The following KIF13A variants were observed in gnomAD, a reference collection of about 807,000 sequenced individuals.
KIF13A encodes the protein kinesin-like protein KIF13A.
KIF13A carries 79 observed loss-of-function variants against 212.2 expected under a neutral mutation model. That is an observed-to-expected ratio of 0.37 (90% CI 0.31 to 0.45). KIF13A has a LOEUF of 0.45. Ranked by LOEUF, KIF13A falls within the 20% of genes least tolerant of loss-of-function variation. The probability of loss-of-function intolerance (pLI) is 1.00; values close to 1 mark genes in which losing one functional copy is unlikely to be tolerated. For synonymous variants in KIF13A, 789 were observed against 808.6 expected (o/e 0.98, Z 0.41); for missense variants, 1,901 against 2,209.0 (o/e 0.86, Z 2.79).
intron 4 of KIF13A, among the ~76,000 whole-genome samples, chr6:17,859,696 T>G (rs1308815155): frequency 6.8e-6 from 1 of 147,882 alleles, no homozygotes; most frequent in East Asian, 2.0e-4. Flanking sequence ...AGTGCAATGG[T>G]GCGATCTCGG....
intron 3 of KIF13A, among the ~76,000 whole-genome samples, chr6:17,874,113 C>T (rs1366097708): frequency 6.6e-6 from 1 of 152,150 alleles, no homozygotes; most frequent in East Asian, 1.9e-4. Context: ...CGATCTCCCT[C>T]AGCTTCTCAA....
At chr6:17,824,509 CAGCACTTTGGG>C (rs1264648845) in intron 16 of KIF13A, among the ~76,000 whole-genome samples, 1 of 151,992 alleles carries the variant, frequency 6.6e-6, no homozygotes, top group East Asian at 1.9e-4. Flanking sequence ...CCTGTAATCC[CAGCACTTTGGG>C]AGGCCAAGAC....
Position 17,785,687 on chromosome 6 carries a change from T to C in KIF13A, c.3362-46A>G, listed in dbSNP as rs1364069301. 1 of 1,574,910 alleles carries C rather than the reference T, an allele frequency of 6.3e-7. No homozygotes were observed. The highest frequency in any genetic ancestry group is 1.9e-5 in the Admixed American group (1 of 53,988). On this transcript the variant is annotated intron_variant, in intron 27 of 38. Transcript: ENST00000259711. This position sits in a 1 kb window ranked among gnomAD's most constrained non-coding sequence, Gnocchi z 5.8. ...ATCAATGCCAACAAGAGAGAAAGTATGACTTCTCAGTTTACAAGGAATAGA... is the reference window on the plus strand; with the variant it reads ...ATCAATGCCAACAAGAGAGAAAGTACGACTTCTCAGTTTACAAGGAATAGA...
chr6:17,976,352 C>G (rs1014062205), intron 2 of KIF13A, among the ~76,000 whole-genome samples: 1 of 152,202 alleles, frequency 6.6e-6, no homozygotes, highest in Admixed American at 6.5e-5. Flanking sequence ...AGCTAAGGCC[C>G]GGCGAGAAAT....
chr6:17,815,534 G>A, intron 17 of KIF13A: 1 of 356,628 alleles, frequency 2.8e-6, no homozygotes, highest in Non-Finnish European at 5.9e-6. Context: ...CCCTCTAGTG[G>A]CCCTGTTTGG....
Position 17,777,803 on chromosome 6 carries a change from CTTA to C in KIF13A, c.4093-452_4093-450del, listed in dbSNP as rs148535675. Among the ~76,000 whole-genome samples, 6,561 of 151,894 alleles carry C rather than the reference CTTA, an allele frequency of 0.043. 479 individuals carry two copies. Among genetic ancestry groups the C allele is most frequent in the African/African-American group, 0.15 (6,155 of 41,442 alleles). On this transcript the variant is annotated intron_variant, in intron 33 of 38. Transcript: ENST00000259711. This position sits in a 1 kb window ranked among gnomAD's most constrained non-coding sequence, Gnocchi z 4.4. ...TAAAACTGAAATATTATTTTACCCACTTATTATTATTTGTTTAGCAATTTATCA... is the reference window on the plus strand; with the variant it reads ...TAAAACTGAAATATTATTTTACCCACTTATTATTTGTTTAGCAATTTATCA...
intron 2 of KIF13A, among the ~76,000 whole-genome samples, chr6:17,916,701 T>C (rs550909080): frequency 6.6e-6 from 1 of 152,340 alleles, no homozygotes; most frequent in South Asian, 2.1e-4. Context: ...AACTCATTAT[T>C]TGTGCAAGAT....
In KIF13A at chr6:17,839,535, G is replaced by A. The variant is rs150129165; in HGVS notation, c.831-1952C>T. ...GATGAACCCTGGCAAATTATTTTACGTGAAAGAAGCCAAACACAAAAGGCC... is the reference window on the plus strand; with the variant it reads ...GATGAACCCTGGCAAATTATTTTACATGAAAGAAGCCAAACACAAAAGGCC... On this transcript the variant is annotated intron_variant, in intron 9 of 38. Transcript: ENST00000259711. This position sits in a 1 kb window ranked among gnomAD's most constrained non-coding sequence, Gnocchi z 4.3. Among the ~76,000 whole-genome samples the A allele has an allele frequency of 2.8e-4, 43 of 152,234 alleles. No individual in the cohort carries two copies. Among genetic ancestry groups the A allele is most frequent in the Non-Finnish European group, 4.6e-4 (31 of 68,018 alleles).
rs1764984663 is a variant in KIF13A at position 17,826,680 on chromosome 6, GA to G, written c.1533-557del. Among the ~76,000 whole-genome samples, 1 of 152,098 alleles carries G rather than the reference GA, an allele frequency of 6.6e-6. No homozygotes were observed. Among genetic ancestry groups the G allele is most frequent in the South Asian group, 2.1e-4 (1 of 4,820 alleles). On this transcript the variant is annotated intron_variant, in intron 14 of 38. Coordinates refer to ENST00000259711, the MANE Select transcript of KIF13A (RefSeq NM_022113.6). The surrounding 1 kb of genome is among the most constrained non-coding windows in gnomAD (Gnocchi z 4.7). ...GAGGAATACTATAAAACAATGGTAGGATCTTATCTGGATCCTAATTTCAAGA... is the reference window on the plus strand; with the variant it reads ...GAGGAATACTATAAAACAATGGTAGGTCTTATCTGGATCCTAATTTCAAGA...
chr6:17,836,610 A>G (rs1765975177), intron 11 of KIF13A, among the ~76,000 whole-genome samples: 2 of 152,184 alleles, frequency 1.3e-5, no homozygotes, highest in Admixed American at 1.3e-4. Context: ...TATAAAGAAA[A>G]GGGGGTTTAA....
chr6:17,812,896 T>C (rs61063934), intron 17 of KIF13A, among the ~76,000 whole-genome samples: 29,131 of 152,220 alleles, frequency 0.19, 2,943 homozygotes, highest in South Asian at 0.32. Flanking sequence ...TGGTATCTCA[T>C]TGTGGTTTTG....
At position 17,794,418 on chromosome 6, in the gene KIF13A, T is replaced by C; in HGVS notation, c.3076-23A>G. 2 of 1,600,756 alleles carry C rather than the reference T, an allele frequency of 1.2e-6. No homozygotes were observed. Among genetic ancestry groups the C allele is most frequent in the Non-Finnish European group, 1.7e-6 (2 of 1,170,630 alleles). On this transcript the variant is annotated intron_variant, in intron 24 of 38. Transcript: ENST00000259711. This position sits in a 1 kb window ranked among gnomAD's most constrained non-coding sequence, Gnocchi z 4.1. The stretch of plus-strand genomic sequence containing the variant: ...ACCCTGAAGAGGGTGGGGAGGAGTA[T>C]GGGTGCCAGGAATGATAATGAAAAG...
chr6:17,933,097 A>C (rs1036707784), intron 2 of KIF13A, among the ~76,000 whole-genome samples: 2 of 152,170 alleles, frequency 1.3e-5, no homozygotes, highest in African/African-American at 2.4e-5. Flanking sequence ...ATATCCTTGA[A>C]CCTTCCTGGG....
intron 2 of KIF13A, among the ~76,000 whole-genome samples, chr6:17,976,302 T>TA (rs753427039): frequency 2.0e-5 from 3 of 152,168 alleles, no homozygotes; most frequent in Non-Finnish European, 4.4e-5. Flanking sequence ...GGCTCAGGCA[T>TA]GGCGGGCTGC....
rs950466494 is a variant in KIF13A at position 17,776,825 on chromosome 6, C to T, written c.4170+452G>A. Among the ~76,000 whole-genome samples the T allele has an allele frequency of 2.0e-5, 3 of 152,084 alleles. No individual in the cohort carries two copies. Among genetic ancestry groups the T allele is most frequent in the Admixed American group, 6.6e-5 (1 of 15,262 alleles). On this transcript the variant is annotated intron_variant, in intron 34 of 38. Transcript: ENST00000259711. The surrounding 1 kb of genome is among the most constrained non-coding windows in gnomAD (Gnocchi z 4.6). ...TAGATTAACTGGTTGAGAAAAATAA[C>T]GAAAATGGTCAAAGGAACAACTAGG... is the stretch of plus-strand genomic sequence containing the variant.
chr6:17,816,466 T>C lies in KIF13A; in HGVS notation c.2000+554A>G, dbSNP rs1313641709. On this transcript the variant is annotated intron_variant, in intron 17 of 38. Coordinates refer to ENST00000259711, the MANE Select transcript of KIF13A (RefSeq NM_022113.6). The surrounding 1 kb of genome is among the most constrained non-coding windows in gnomAD (Gnocchi z 4.3). ...GATCCTCCCAGTGACCTTATAGGCA[T>C]GCACCACCACGCCTGGGTAATTTTT... Among the ~76,000 whole-genome samples, 1 of 152,082 alleles carries C rather than the reference T, an allele frequency of 6.6e-6. No individual in the cohort carries two copies. The highest frequency in any genetic ancestry group is 1.9e-4 in the East Asian group (1 of 5,182).
At chr6:17,859,991 A>C (rs1189353784) in intron 4 of KIF13A, among the ~76,000 whole-genome samples, 1 of 152,090 alleles carries the variant, frequency 6.6e-6, no homozygotes, top group Non-Finnish European at 1.5e-5. Context: ...GGGGCTTGAA[A>C]TGGTTAAGTC....
chr6:17,874,297 GT>G lies in KIF13A; in HGVS notation c.160-861del, dbSNP rs1420444891. Among the ~76,000 whole-genome samples the G allele has an allele frequency of 2.2e-4, 12 of 53,752 alleles. 1 individual carries two copies. The highest frequency in any genetic ancestry group is 7.4e-4 in the Admixed American group (6 of 8,080). 35.3% of individuals were successfully genotyped at this position (53,752 alleles called of 152,430 possible). Reference sequence around the variant, plus strand: ...TTTTTGTTTTTGTTTTTTGGTGGTGGTGGGGGGGGTTCTTACTGTATTTTTA... The same window carrying G: ...TTTTTGTTTTTGTTTTTTGGTGGTGGGGGGGGGGTTCTTACTGTATTTTTA... On this transcript the variant is annotated intron_variant, in intron 3 of 38. Coordinates refer to ENST00000259711, the MANE Select transcript of KIF13A (RefSeq NM_022113.6).
rs189517647 is a variant in KIF13A at position 17,899,351 on chromosome 6, A to G, written c.147-1171T>C. Among the ~76,000 whole-genome samples, 19 of 152,348 alleles carry G rather than the reference A, an allele frequency of 1.2e-4. No individual in the cohort carries two copies. The highest frequency in any genetic ancestry group is 3.4e-3 in the Middle Eastern group (1 of 294). ...TGGGGGCATTTACCCCATGGCTTTA[A>G]TCATTCTTCATAGGAAATAGAATCA... On this transcript the variant is annotated intron_variant, in intron 2 of 38. Transcript: ENST00000259711. The surrounding 1 kb of genome is among the most constrained non-coding windows in gnomAD (Gnocchi z 5.2).
Sources: allele counts gnomAD v4.1 joint callset (sites outside exome capture counted in the v4.1 genomes callset), GRCh38; gene constraint gnomAD v4.1.1; non-coding constraint Gnocchi (gnomAD v3.1); transcripts MANE v1.5; gene names NCBI Gene and HGNC (gene_info 2026-07-23, HGNC 2026-07-21).